SLC35F3: variants seen among roughly 807,000 people sequenced by gnomAD.
The protein encoded by SLC35F3 is putative thiamine transporter SLC35F3.
A neutral mutation model predicts 49.9 loss-of-function variants in SLC35F3; 25 were observed. That is an observed-to-expected ratio of 0.50 (90% CI 0.37 to 0.70). The LOEUF (loss-of-function observed/expected upper bound fraction) is 0.70. SLC35F3 is among the 30% of genes least tolerant of loss of function. The pLI is 0.00. For synonymous variants in SLC35F3, 275 were observed against 265.4 expected (o/e 1.04, Z -0.35); for missense variants, 525 against 639.8 (o/e 0.82, Z 1.94).
chr1:234,252,439 G>A (rs1020473532), intron 3 of SLC35F3, among the ~76,000 whole-genome samples: 8 of 152,032 alleles, frequency 5.3e-5, no homozygotes, highest in South Asian at 4.1e-4. Flanking sequence ...AAATAATAAC[G>A]AAATCACCAT....
At chr1:234,268,293 A>G (rs917777547) in intron 3 of SLC35F3, among the ~76,000 whole-genome samples, 3 of 152,048 alleles carry the variant, frequency 2.0e-5, no homozygotes, top group African/African-American at 7.2e-5. Flanking sequence ...TCTCCACCAA[A>G]AAAAAACGAA....
chr1:233,905,549 A>G lies in SLC35F3; in HGVS notation c.74A>G (p.Asp25Gly), dbSNP rs761857039. The change falls in exon 2 of 8, where the codon GAC (aspartate) becomes GGC (glycine). Residue 25 changes from aspartate (D) to glycine (G), a missense_variant. Around this residue, in one of 4 missense-constraint regions of SLC35F3, gnomAD observed 228 missense variants for 218.9 expected, o/e 1.04. Coordinates refer to ENST00000366618, the MANE Select transcript of SLC35F3 (RefSeq NM_173508.4). ...CGCAGTGGCATGAGGAGGTCACCGGACGTCAGCCCCCGGAGACTGTCCGAC... is the reference window on the plus strand; with the variant it reads ...CGCAGTGGCATGAGGAGGTCACCGGGCGTCAGCCCCCGGAGACTGTCCGAC... ...SIAVGMRRSP[D>G]VSPRRLSDIS... 5.0e-6 allele frequency: 8 copies of G among 1,613,736 alleles called. No individual in the cohort carries two copies. The highest frequency in any genetic ancestry group is 4.5e-5 in the East Asian group (2 of 44,852).
chr1:234,293,872 A>T (rs1208713678), intron 3 of SLC35F3, among the ~76,000 whole-genome samples: 1 of 152,200 alleles, frequency 6.6e-6, no homozygotes, highest in Non-Finnish European at 1.5e-5. Context: ...TCTCTTTAGG[A>T]ATGATCCTGA....
Position 234,113,647 on chromosome 1 carries a change from T to G in SLC35F3, c.284-117770T>G, listed in dbSNP as rs560826049. ...GGGAGGATGAGATGGGCAGATCACC[T>G]GAGATCAGGAGTTCAAGACCAGCCT... is the stretch of plus-strand genomic sequence containing the variant. On this transcript the variant is annotated intron_variant, in intron 2 of 7. Transcript: ENST00000366618. Among the ~76,000 whole-genome samples the G allele has an allele frequency of 1.2e-4, 19 of 152,288 alleles. No homozygotes were observed. In the East Asian group the frequency reaches 3.7e-3, roughly 29 times the overall value.
chr1:234,231,859 G>A lies in SLC35F3; in HGVS notation c.608+118G>A, dbSNP rs1667384100. 2.0e-6 allele frequency: 2 copies of A among 995,972 alleles called. No homozygotes were observed. Among genetic ancestry groups the A allele is most frequent in the East Asian group, 2.4e-5 (1 of 41,016 alleles). 61.7% of individuals were successfully genotyped at this position (995,972 alleles called of 1,614,324 possible). On this transcript the variant is annotated intron_variant, in intron 3 of 7. Coordinates refer to ENST00000366618, the MANE Select transcript of SLC35F3 (RefSeq NM_173508.4). The surrounding 1 kb of genome is among the most constrained non-coding windows in gnomAD (Gnocchi z 5.4). Reference sequence around the variant, plus strand: ...ATGAGCCGGTGGGAGCCCGTGGAGAGATGTTGCAGTGAATGCACCTGCTCT... The same window carrying A: ...ATGAGCCGGTGGGAGCCCGTGGAGAAATGTTGCAGTGAATGCACCTGCTCT...
chr1:234,214,558 C>G lies in SLC35F3; in HGVS notation c.284-16859C>G, dbSNP rs1667092090. The stretch of plus-strand genomic sequence containing the variant: ...GCGCCTGCAACAGTCCGGTCCTGAC[C>G]CTTACCAAAGTGGAAGGTAATGCGC... On this transcript the variant is annotated intron_variant, in intron 2 of 7. Coordinates refer to ENST00000366618, the MANE Select transcript of SLC35F3 (RefSeq NM_173508.4). The surrounding 1 kb of genome is among the most constrained non-coding windows in gnomAD (Gnocchi z 8.0). 2 of 1,557,766 alleles carry G rather than the reference C, an allele frequency of 1.3e-6. No individual in the cohort carries two copies. Among genetic ancestry groups the G allele is most frequent in the Non-Finnish European group, 1.7e-6 (2 of 1,154,258 alleles).
intron 2 of SLC35F3, among the ~76,000 whole-genome samples, chr1:234,140,002 A>AATAAAAAAAATAAAAAAAT: frequency 9.5e-6 from 1 of 105,470 alleles, no homozygotes; most frequent in African/African-American, 3.1e-5. Context: ...AATAAAATAA[A>AATAAAAAAAATAAAAAAAT]GTAAGTGACT....
intron 2 of SLC35F3, among the ~76,000 whole-genome samples, chr1:234,068,934 A>G (rs1228902967): frequency 1.6e-5 from 1 of 63,882 alleles, no homozygotes; most frequent in Non-Finnish European, 3.3e-5. Flanking sequence ...ATTATATATA[A>G]AATTATATAA....
At chr1:233,938,747 T>G (rs1275363998) in intron 2 of SLC35F3, among the ~76,000 whole-genome samples, 5 of 151,338 alleles carry the variant, frequency 3.3e-5, no homozygotes, top group African/African-American at 1.2e-4. Context: ...GGTGGATGGA[T>G]GGAAAGATGG....
At chr1:233,939,441 C>CA (rs1338817709) in intron 2 of SLC35F3, among the ~76,000 whole-genome samples, 2 of 152,124 alleles carry the variant, frequency 1.3e-5, no homozygotes, top group Non-Finnish European at 2.9e-5. Context: ...GGTGACAGAG[C>CA]AATATCCTGT....
intron 2 of SLC35F3, among the ~76,000 whole-genome samples, chr1:234,151,405 A>G (rs1666074198): frequency 6.6e-6 from 1 of 152,142 alleles, no homozygotes; most frequent in Non-Finnish European, 1.5e-5. Flanking sequence ...AGTTATTATA[A>G]GAAAAAGGAA....
chr1:234,302,326 G>C (rs1668705900), intron 3 of SLC35F3, among the ~76,000 whole-genome samples: 1 of 152,142 alleles, frequency 6.6e-6, no homozygotes, highest in Non-Finnish European at 1.5e-5. Flanking sequence ...CAATGTAGGA[G>C]GTTTCTCAGA....
chr1:234,012,136 A>G (rs926580894), intron 2 of SLC35F3, among the ~76,000 whole-genome samples: 3 of 152,262 alleles, frequency 2.0e-5, no homozygotes, highest in South Asian at 2.1e-4. Context: ...GGATGTGCAC[A>G]TAGGCCAGAT....
chr1:233,932,219 A>C lies in SLC35F3; in HGVS notation c.283+26461A>C, dbSNP rs184423700. Among the ~76,000 whole-genome samples, 364 of 152,256 alleles carry C rather than the reference A, an allele frequency of 2.4e-3. 3 individuals carry two copies. Among genetic ancestry groups the C allele is most frequent in the East Asian group, 9.6e-3 (50 of 5,182 alleles). ...TAGATGACAGGTTGATGAGTGCAGC[A>C]AACCACCATGGCATTTCTATACCTA... is the stretch of plus-strand genomic sequence containing the variant. On this transcript the variant is annotated intron_variant, in intron 2 of 7. Transcript: ENST00000366618.
chr1:233,985,992 G>T (rs182627435), intron 2 of SLC35F3, among the ~76,000 whole-genome samples: 1 of 152,268 alleles, frequency 6.6e-6, no homozygotes, highest in East Asian at 1.9e-4. Context: ...TGCTTTTACT[G>T]CTTCCTAGCT....
At chr1:234,029,642 G>A (rs1194472571) in intron 2 of SLC35F3, among the ~76,000 whole-genome samples, 1 of 152,132 alleles carries the variant, frequency 6.6e-6, no homozygotes, top group Non-Finnish European at 1.5e-5. Context: ...AAAAGTCATT[G>A]GTTTCTTCCT....
At chr1:233,979,085 AG>A (rs1168945056) in intron 2 of SLC35F3, among the ~76,000 whole-genome samples, 2 of 149,366 alleles carry the variant, frequency 1.3e-5, no homozygotes, top group African/African-American at 5.1e-5. Flanking sequence ...AAAACAAAAA[AG>A]AAAAAGAAAA....
intron 2 of SLC35F3, among the ~76,000 whole-genome samples, chr1:234,029,409 G>A (rs1000400956): frequency 2.0e-5 from 3 of 152,336 alleles, no homozygotes; most frequent in Non-Finnish European, 4.4e-5. Flanking sequence ...TTGAGGAGCA[G>A]TCAATGGTGA....
chr1:234,163,918 A>T lies in SLC35F3; in HGVS notation c.284-67499A>T, dbSNP rs181981638. ...GAGGAGTGAAAGAACTTATTCAGTA[A>T]CTGTCAGATTTCTTATCCCAATTTC... On this transcript the variant is annotated intron_variant, in intron 2 of 7. Transcript: ENST00000366618. 7.0e-4 allele frequency among the ~76,000 whole-genome samples: 106 copies of T among 152,212 alleles called. 1 individual carries two copies. Among genetic ancestry groups the T allele is most frequent in the Admixed American group, 1.8e-3 (27 of 15,294 alleles).
Sources: allele counts gnomAD v4.1 joint callset (sites outside exome capture counted in the v4.1 genomes callset), GRCh38; gene constraint gnomAD v4.1.1; regional missense constraint gnomAD v4.1.1; non-coding constraint Gnocchi (gnomAD v3.1); transcripts MANE v1.5; gene names NCBI Gene and HGNC (gene_info 2026-07-23, HGNC 2026-07-21).